DEFB121: variants seen among roughly 807,000 people sequenced by gnomAD.
The protein encoded by DEFB121 is defensin beta 121, also known as beta-defensin 121.
DEFB121 carries 5 observed loss-of-function variants against 2.5 expected under a neutral mutation model. That is an observed-to-expected ratio of 1.96 (90% CI 1.03 to 4.13). The LOEUF (loss-of-function observed/expected upper bound fraction) is 4.13. DEFB121 is among the 30% of genes most tolerant of loss of function. The probability of loss-of-function intolerance (pLI) is 0.00; values close to 1 mark genes in which losing one functional copy is unlikely to be tolerated. For missense variants in DEFB121, 87 were observed against 85.0 expected (o/e 1.02, Z -0.09); for synonymous variants, 39 against 32.6 (o/e 1.20, Z -0.67).
At chr20:31,412,706 G>A (rs890838799) in exon 1 of DEFB121, 10 of 1,280,634 alleles carry the variant, frequency 7.8e-6, no homozygotes, top group Admixed American at 2.3e-5. Context: ...CACAGTCAAC[G>A]CTCAATACAA....
upstream of DEFB121, among the ~76,000 whole-genome samples, chr20:31,408,273 A>G (rs1331035363): frequency 6.6e-6 from 1 of 152,114 alleles, no homozygotes; most frequent in Non-Finnish European, 1.5e-5. Context: ...ACGAGACTCC[A>G]TCTCTACACA....
At chr20:31,411,364 T>C (rs1978658522) in intron 1 of DEFB121, among the ~76,000 whole-genome samples, 1 of 152,214 alleles carries the variant, frequency 6.6e-6, no homozygotes. Flanking sequence ...TCTGATTGGC[T>C]GAACATAATC....
chr20:31,405,202 G>A (rs1453546056), intron 1 of DEFB121, 117 bp from the exon 2 acceptor site: 2 of 978,986 alleles, frequency 2.0e-6, no homozygotes, highest in South Asian at 3.5e-5. Context: ...GGTCTGTGGG[G>A]AAGAAGCTCT....
chr20:31,412,760 C>T (rs765197775), exon 1 of DEFB121: 17 of 1,053,206 alleles, frequency 1.6e-5, no homozygotes, highest in Middle Eastern at 2.4e-4. Flanking sequence ...CTCTGCTCAC[C>T]GTGATCTTCA....
chr20:31,412,268 T>C (rs1978684166), intron 1 of DEFB121, among the ~76,000 whole-genome samples: 1 of 152,204 alleles, frequency 6.6e-6, no homozygotes, highest in African/African-American at 2.4e-5. Context: ...TATGTGTAAC[T>C]AGTAATGGTA....
At chr20:31,410,906 G>A (rs909257682), upstream of DEFB121, among the ~76,000 whole-genome samples, 1 of 151,870 alleles carries the variant, frequency 6.6e-6, no homozygotes, top group African/African-American at 2.4e-5. Flanking sequence ...TAGTCTAGAA[G>A]GTACTTTCTT....
chr20:31,415,344 G>A (rs918469122), upstream of DEFB121, among the ~76,000 whole-genome samples: 6 of 150,880 alleles, frequency 4.0e-5, no homozygotes, highest in Non-Finnish European at 8.8e-5. Context: ...CCGCCTCCCA[G>A]ATTCAAGCGA....
chr20:31,417,336 C>A (rs1276656858), upstream of DEFB121, among the ~76,000 whole-genome samples: 1 of 151,868 alleles, frequency 6.6e-6, no homozygotes, highest in South Asian at 2.1e-4. Flanking sequence ...CACAGCCAGA[C>A]CCTGTCTCAA....
At chr20:31,416,659 C>T (rs138274198), upstream of DEFB121, among the ~76,000 whole-genome samples, 7 of 152,326 alleles carry the variant, frequency 4.6e-5, no homozygotes, top group East Asian at 1.4e-3. Context: ...CAAGATAATG[C>T]ATTCCATCAC....
At chr20:31,412,572 G>A in intron 1 of DEFB121, 2 of 1,265,206 alleles carry the variant, frequency 1.6e-6, no homozygotes, top group Non-Finnish European at 2.1e-6. Flanking sequence ...CTGGCATAGA[G>A]GAAAGCCTCT....
At chr20:31,417,374 T>C (rs1978836215), upstream of DEFB121, among the ~76,000 whole-genome samples, 1 of 151,590 alleles carries the variant, frequency 6.6e-6, no homozygotes, top group Admixed American at 6.6e-5. Context: ...AAACCAGTAA[T>C]GATAAAAACT....
chr20:31,415,762 G>C (rs1978790096), upstream of DEFB121, among the ~76,000 whole-genome samples: 1 of 152,096 alleles, frequency 6.6e-6, no homozygotes, highest in Non-Finnish European at 1.5e-5. Context: ...AGGAGAATAG[G>C]TTTCAGAGAA....
chr20:31,405,162 C>G (rs1978436146), intron 1 of DEFB121, 77 bp from the exon 2 acceptor site: 3 of 1,430,426 alleles, frequency 2.1e-6, no homozygotes, highest in Non-Finnish European at 2.8e-6. Flanking sequence ...GAGGCTAAAG[C>G]CCAGTAGAGG....
chr20:31,415,148 C>CA (rs1434948044), upstream of DEFB121, among the ~76,000 whole-genome samples: 16 of 151,814 alleles, frequency 1.1e-4, no homozygotes, highest in Admixed American at 1.3e-4. Context: ...GTGTTGAACA[C>CA]AAAAAATTGT....
At chr20:31,418,259 C>CAAAAAAA in the DEFB121 span, among the ~76,000 whole-genome samples, 12,381 of 80,608 alleles carry the variant, frequency 0.15, 1,661 homozygotes, top group East Asian at 0.5. Flanking sequence ...GACTCCGTCT[C>CAAAAAAA]AAAAAAAAAA....
intron 1 of DEFB121, 23 bp from the exon 2 acceptor site, chr20:31,405,108 G>A (rs886469859): frequency 6.3e-7 from 1 of 1,581,778 alleles, no homozygotes; most frequent in Admixed American, 2.0e-5. Context: ...GGGAAGAAGA[G>A]AATAGAGTCA....
intron 1 of DEFB121, chr20:31,412,595 T>C (rs1978694408): frequency 2.3e-6 from 3 of 1,289,754 alleles, no homozygotes; most frequent in Non-Finnish European, 3.0e-6. Flanking sequence ...CAACTGGTAG[T>C]TACTGTTATT....
At chr20:31,413,622 G>A (rs1600534031), upstream of DEFB121, among the ~76,000 whole-genome samples, 1 of 152,196 alleles carries the variant, frequency 6.6e-6, no homozygotes, top group Non-Finnish European at 1.5e-5. Context: ...CATGGCAGAG[G>A]AAAAGAGAGC....
the DEFB121 span, among the ~76,000 whole-genome samples, chr20:31,418,282 A>AAAAAAAG: frequency 2.0e-5 from 3 of 148,302 alleles, no homozygotes; most frequent in Non-Finnish European, 4.5e-5. Flanking sequence ...AAAAAAAAAA[A>AAAAAAAG]GAAAAAAGGG....
Sources: allele counts gnomAD v4.1 joint callset (sites outside exome capture counted in the v4.1 genomes callset), GRCh38; gene constraint gnomAD v4.1.1; transcripts MANE v1.5; gene names NCBI Gene and HGNC (gene_info 2026-07-23, HGNC 2026-07-21).